The following STAMBP variants were observed in gnomAD, a reference collection of about 807,000 sequenced individuals.
The protein encoded by STAMBP is STAM-binding protein.
In STAMBP, 31 loss-of-function variants were observed where a neutral mutation model predicts 50.7. That is an observed-to-expected ratio of 0.61 (90% CI 0.46 to 0.83). The LOEUF (loss-of-function observed/expected upper bound fraction) is 0.83. STAMBP is among the 40% of genes least tolerant of loss of function. STAMBP has a pLI of 0.00. For synonymous variants in STAMBP, 211 were observed against 192.4 expected (o/e 1.10, Z -0.80); for missense variants, 472 against 518.9 (o/e 0.91, Z 0.88).
intron 2 of STAMBP, among the ~76,000 whole-genome samples, chr2:73,835,798 G>A (rs568668757): frequency 7.2e-5 from 11 of 152,118 alleles, no homozygotes; most frequent in Non-Finnish European, 1.3e-4. Flanking sequence ...AACCGTTCAC[G>A]TTTGGGGTTT....
chr2:73,857,016 C>G (rs1206894663), intron 7 of STAMBP, among the ~76,000 whole-genome samples: 2 of 152,178 alleles, frequency 1.3e-5, no homozygotes, highest in Non-Finnish European at 2.9e-5. Context: ...ATCTTGATTT[C>G]CTTTTGTGAG....
intron 3 of STAMBP, 117 bp from the exon 4 acceptor site, chr2:73,845,049 AG>A: frequency 3.9e-6 from 6 of 1,541,140 alleles, no homozygotes; most frequent in Non-Finnish European, 3.5e-6. Flanking sequence ...ATGGTACAGT[AG>A]GGGGTATTTT....
chr2:73,844,657 A>C (rs1294598249), intron 2 of STAMBP, 156 bp from the exon 3 acceptor site: 1 of 535,086 alleles, frequency 1.9e-6, no homozygotes, highest in Non-Finnish European at 3.3e-6. Flanking sequence ...TAGAGATGGG[A>C]AAGGAGCATG....
At chr2:73,867,810 AG>A (rs1679017434), downstream of STAMBP, among the ~76,000 whole-genome samples, 1 of 152,128 alleles carries the variant, frequency 6.6e-6, no homozygotes, top group East Asian at 1.9e-4. Flanking sequence ...CTAGGAAACC[AG>A]GGGGAAAGAA....
chr2:73,844,203 TTACC>T (rs753711069), intron 2 of STAMBP, among the ~76,000 whole-genome samples: 1 of 152,230 alleles, frequency 6.6e-6, no homozygotes, highest in Non-Finnish European at 1.5e-5. Context: ...CATCTTATAT[TTACC>T]TAAGCACTTT....
At chr2:73,837,482 G>A (rs749415367) in intron 2 of STAMBP, among the ~76,000 whole-genome samples, 1 of 150,646 alleles carries the variant, frequency 6.6e-6, no homozygotes, top group Non-Finnish European at 1.5e-5. Flanking sequence ...CTACTCAGAA[G>A]GCTGAGGCAG....
In STAMBP at chr2:73,831,069, C is replaced by T. The variant is rs766234999; in HGVS notation, c.203+10C>T. The T allele has an allele frequency of 1.2e-6, 2 of 1,611,470 alleles. No individual in the cohort carries two copies. Among genetic ancestry groups the T allele is most frequent in the East Asian group, 4.5e-5 (2 of 44,874 alleles). On this transcript the variant is annotated intron_variant, in intron 2 of 9. Coordinates refer to ENST00000394070, the MANE Select transcript of STAMBP (RefSeq NM_213622.4). The stretch of plus-strand genomic sequence containing the variant: ...ATAACAAGTATATCACGTAAGACAC[C>T]TACAGTTTCCTTTTTCCTTTCTGGT...
At chr2:73,855,008 G>A (rs2104615585) in intron 7 of STAMBP, among the ~76,000 whole-genome samples, 1 of 152,222 alleles carries the variant, frequency 6.6e-6, no homozygotes, top group East Asian at 1.9e-4. Context: ...AAAAACAAAC[G>A]AAAAGCAGAC....
chr2:73,832,108 T>TACGCAC (rs1553376121), intron 2 of STAMBP, among the ~76,000 whole-genome samples: 2 of 122,902 alleles, frequency 1.6e-5, no homozygotes, highest in African/African-American at 7.0e-5. Flanking sequence ...TATATATATA[T>TACGCAC]ACACATATAT....
intron 3 of STAMBP, 96 bp downstream of exon 3, chr2:73,844,984 G>A: frequency 4.5e-6 from 7 of 1,539,032 alleles, no homozygotes; most frequent in Non-Finnish European, 5.2e-6. Context: ...CTGAGTACCA[G>A]ATCCTGCAAT....
chr2:73,831,110 T>C (rs1398178373), intron 2 of STAMBP, 51 bp downstream of exon 2: 2 of 1,507,122 alleles, frequency 1.3e-6, no homozygotes. Flanking sequence ...GTGCCTCGCC[T>C]ATTTGGCTCA....
At chr2:73,852,846 TG>T (rs1337459379) in intron 7 of STAMBP, among the ~76,000 whole-genome samples, 2 of 926 alleles carry the variant, frequency 2.2e-3, no homozygotes, top group Non-Finnish European at 4.0e-3. Context: ...CCTGGCTAAT[TG>T]TGTGTGTGTG....
At chr2:73,871,261 C>T (rs1434243104), downstream of STAMBP, among the ~76,000 whole-genome samples, 2 of 151,902 alleles carry the variant, frequency 1.3e-5, no homozygotes, top group Admixed American at 6.6e-5. Flanking sequence ...CTTTTAATTG[C>T]GGCCGGGCGT....
downstream of STAMBP, among the ~76,000 whole-genome samples, chr2:73,867,638 T>C (rs1399881189): frequency 2.0e-5 from 3 of 152,176 alleles, no homozygotes; most frequent in African/African-American, 7.2e-5. Flanking sequence ...TATTTAGAGA[T>C]GAACGATAAT....
intron 7 of STAMBP, among the ~76,000 whole-genome samples, chr2:73,857,688 C>T (rs962642048): frequency 2.0e-5 from 3 of 152,112 alleles, no homozygotes; most frequent in African/African-American, 7.2e-5. Context: ...AGAAAAAGAT[C>T]ACCTTATCAT....
chr2:73,845,341 A>G, intron 4 of STAMBP, 79 bp downstream of exon 4: 1 of 999,474 alleles, frequency 1.0e-6, no homozygotes, highest in Admixed American at 2.3e-5. Flanking sequence ...ACATTTCAAT[A>G]TATCCTGTGC....
At chr2:73,860,970 A>G (rs578055642) in intron 9 of STAMBP, among the ~76,000 whole-genome samples, 1 of 152,372 alleles carries the variant, frequency 6.6e-6, no homozygotes, top group African/African-American at 2.4e-5. Context: ...GCACTAAAAC[A>G]AAGACTTCAT....
chr2:73,851,637 AT>A (rs61483994), intron 7 of STAMBP, among the ~76,000 whole-genome samples: 5,718 of 135,622 alleles, frequency 0.042, 257 homozygotes, highest in African/African-American at 0.13. Flanking sequence ...ACAGTGGTAG[AT>A]TTTTTTTTTT....
chr2:73,832,449 C>T (rs1331981180), intron 2 of STAMBP, among the ~76,000 whole-genome samples: 1 of 147,500 alleles, frequency 6.8e-6, no homozygotes, highest in Non-Finnish European at 1.5e-5. Context: ...GGTGGCAAAG[C>T]GAGACTGTTT....
Sources: gnomAD v4.1 joint callset for allele counts (sites outside exome capture counted in the v4.1 genomes callset) on GRCh38, gnomAD v4.1.1 for gene constraint, MANE v1.5 for transcripts, NCBI Gene and HGNC (gene_info 2026-07-23, HGNC 2026-07-21) for gene names.